Variants in PRRG1 observed in about 807,000 individuals in gnomAD.
PRRG1 encodes the protein proline rich and Gla domain 1, also known as transmembrane gamma-carboxyglutamic acid protein 1.
Under a neutral mutation model 11.8 loss-of-function variants are expected in PRRG1, and 5 were observed. That is an observed-to-expected ratio of 0.42 (90% CI 0.22 to 0.89). PRRG1 has a LOEUF of 0.89. Among genes scored for constraint, PRRG1 ranks in the 40% least tolerant of loss-of-function variants. The pLI, the probability that PRRG1 is intolerant of heterozygous loss-of-function variation, is 0.28. For synonymous variants in PRRG1, 66 were observed against 60.4 expected, an observed-to-expected ratio of 1.09 and a Z score of -0.43; for missense variants, 155 against 166.1, an observed-to-expected ratio of 0.93 and a Z score of 0.37.
At chrX:37,451,176 G>A (rs557712041) in intron 3 of PRRG1, among the ~76,000 whole-genome samples, 64 of 111,084 alleles carry the variant, frequency 5.8e-4, no homozygotes, top group Non-Finnish European at 9.4e-4. Context: ...GCGCCACCAC[G>A]CCCGGCTAAT....
At chrX:37,411,978 T>TC (rs1355975639) in intron 2 of PRRG1, among the ~76,000 whole-genome samples, 6 of 111,529 alleles carry the variant, frequency 5.4e-5, no homozygotes, top group Non-Finnish European at 7.5e-5. Flanking sequence ...CAGTATTTAG[T>TC]CTTTGGAAAT....
At chrX:37,402,795 C>A (rs1556380818) in intron 1 of PRRG1, among the ~76,000 whole-genome samples, 3 of 111,154 alleles carry the variant, frequency 2.7e-5, no homozygotes, top group Non-Finnish European at 5.7e-5. Context: ...AAGAAAAAAA[C>A]AACCCCATCA....
At chrX:37,397,981 C>T (rs1931776686) in intron 1 of PRRG1, among the ~76,000 whole-genome samples, 1 of 91,850 alleles carries the variant, frequency 1.1e-5, no homozygotes, top group Non-Finnish European at 2.0e-5. Flanking sequence ...AAAACTAACA[C>T]ACACACACAC....
At chrX:37,436,853 C>T (rs1932889854) in intron 3 of PRRG1, among the ~76,000 whole-genome samples, 1 of 112,397 alleles carries the variant, frequency 8.9e-6, no homozygotes, top group African/African-American at 3.2e-5. Flanking sequence ...TTGAGACCTT[C>T]TCCTGCCTTC....
At chrX:37,382,789 G>C (rs1262509668) in intron 1 of PRRG1, among the ~76,000 whole-genome samples, 1 of 111,287 alleles carries the variant, frequency 9.0e-6, no homozygotes, top group African/African-American at 3.3e-5. Context: ...AGATACACAT[G>C]ATTTCTGAAA....
At chrX:37,441,108 A>T in intron 3 of PRRG1, 1 of 913,346 alleles carries the variant, frequency 1.1e-6, no homozygotes, top group South Asian at 6.1e-5. Flanking sequence ...CAAACTCTAG[A>T]CAAAACAGAA....
At chrX:37,429,158 C>CCCTATG (rs1377155495) in intron 3 of PRRG1, among the ~76,000 whole-genome samples, 1 of 112,091 alleles carries the variant, frequency 8.9e-6, no homozygotes, top group Non-Finnish European at 1.9e-5. Flanking sequence ...GCCTTGAAAA[C>CCCTATG]CCATGACGTG....
At chrX:37,362,033 T>C (rs1393403271) in intron 1 of PRRG1, among the ~76,000 whole-genome samples, 1 of 112,266 alleles carries the variant, frequency 8.9e-6, no homozygotes, top group Non-Finnish European at 1.9e-5. Context: ...GTTAATTTCC[T>C]GTGTAATTTT....
intron 1 of PRRG1, among the ~76,000 whole-genome samples, chrX:37,400,104 A>G: frequency 9.0e-6 from 1 of 111,563 alleles, no homozygotes; most frequent in Middle Eastern, 4.6e-3. Context: ...ATACCCAGGA[A>G]TTCAACTCAG....
At chrX:37,373,720 T>C (rs1930841639) in intron 1 of PRRG1, among the ~76,000 whole-genome samples, 1 of 112,057 alleles carries the variant, frequency 8.9e-6, no homozygotes, top group Non-Finnish European at 1.9e-5. Flanking sequence ...GTTTTCTCTA[T>C]ATAAGACCAA....
At chrX:37,372,166 G>T (rs1042450662) in intron 1 of PRRG1, among the ~76,000 whole-genome samples, 8 of 112,480 alleles carry the variant, frequency 7.1e-5, no homozygotes, top group Non-Finnish European at 1.5e-4. Flanking sequence ...GATAAGTGCT[G>T]TTCTAATAAG....
At chrX:37,415,729 G>A (rs782306048) in intron 2 of PRRG1, among the ~76,000 whole-genome samples, 3 of 111,639 alleles carry the variant, frequency 2.7e-5, no homozygotes, top group African/African-American at 6.5e-5. Flanking sequence ...CAACAAGATG[G>A]CACAGTTCTG....
chrX:37,426,206 C>G (rs1465944648), intron 3 of PRRG1, among the ~76,000 whole-genome samples: 1 of 111,387 alleles, frequency 9.0e-6, no homozygotes, highest in Non-Finnish European at 1.9e-5. Context: ...TTGAGAGCCC[C>G]GTTCCTATAG....
At chrX:37,449,188 C>T (rs1370036541) in intron 3 of PRRG1, among the ~76,000 whole-genome samples, 1 of 111,316 alleles carries the variant, frequency 9.0e-6, no homozygotes, top group African/African-American at 3.3e-5. Flanking sequence ...TTTAGTCCCC[C>T]GTCTCCTAAG....
intron 2 of PRRG1, among the ~76,000 whole-genome samples, chrX:37,424,262 C>T (rs1932742565): frequency 9.0e-6 from 1 of 111,264 alleles, no homozygotes; most frequent in Admixed American, 9.6e-5. Flanking sequence ...TTCCAAGGAA[C>T]TCTCATTAGG....
At chrX:37,391,561 T>G (rs181866933) in intron 1 of PRRG1, among the ~76,000 whole-genome samples, 1 of 112,065 alleles carries the variant, frequency 8.9e-6, no homozygotes, top group Admixed American at 9.5e-5. Flanking sequence ...TCATAGTATT[T>G]CAGGTGGTGG....
chrX:37,419,350 T>A (rs1932594696), intron 2 of PRRG1, among the ~76,000 whole-genome samples: 1 of 111,762 alleles, frequency 8.9e-6, no homozygotes, highest in Admixed American at 9.5e-5. Context: ...GCATATACAT[T>A]ATGGCAAAGG....
At chrX:37,385,790 T>C (rs1931305180) in intron 1 of PRRG1, among the ~76,000 whole-genome samples, 1 of 107,904 alleles carries the variant, frequency 9.3e-6, no homozygotes, top group Admixed American at 9.9e-5. Context: ...AGACGGAGTC[T>C]CGCTCTGTCG....
At chrX:37,364,773 A>G (rs1176713437) in intron 1 of PRRG1, among the ~76,000 whole-genome samples, 2 of 111,847 alleles carry the variant, frequency 1.8e-5, no homozygotes, top group Non-Finnish European at 3.8e-5. Flanking sequence ...AACTGATGGT[A>G]TTAATGTTTT....
Sources: gnomAD v4.1 joint callset for allele counts (sites outside exome capture counted in the v4.1 genomes callset) on GRCh38, gnomAD v4.1.1 for gene constraint, MANE v1.5 for transcripts, NCBI Gene and HGNC (gene_info 2026-07-23, HGNC 2026-07-21) for gene names.